Variants in EXOC4 observed in about 807,000 individuals in gnomAD.
EXOC4 encodes exocyst complex component 4.
A neutral mutation model predicts 107.2 loss-of-function variants in EXOC4; 71 were observed. The ratio of observed to expected loss-of-function variants is 0.66; its 90% CI spans 0.55 to 0.81. The LOEUF (loss-of-function observed/expected upper bound fraction) is 0.81, where lower values mean the gene tolerates loss of function less well. Ranked by LOEUF, EXOC4 falls within the 30% of genes least tolerant of loss-of-function variation. The probability of loss-of-function intolerance (pLI) is 0.00; values close to 1 mark genes in which losing one functional copy is unlikely to be tolerated. For synonymous variants in EXOC4, 456 were observed against 441.2 expected (o/e 1.03, Z -0.42); for missense variants, 1,108 against 1,189.6 (o/e 0.93, Z 1.01).
intron 11 of EXOC4, among the ~76,000 whole-genome samples, chr7:133,822,687 G>A (rs1797551917): frequency 6.6e-6 from 1 of 152,150 alleles, no homozygotes; most frequent in South Asian, 2.1e-4. Flanking sequence ...TGTGGCCTGG[G>A]AGCTTATGAG....
intron 14 of EXOC4, among the ~76,000 whole-genome samples, chr7:133,962,697 T>C (rs1800975275): frequency 6.6e-6 from 1 of 152,230 alleles, no homozygotes; most frequent in East Asian, 1.9e-4. Context: ...TGTCACCACA[T>C]GTGCTTATGC....
intron 1 of EXOC4, among the ~76,000 whole-genome samples, chr7:133,272,216 A>C (rs1388517300): frequency 6.6e-6 from 1 of 152,192 alleles, no homozygotes; most frequent in Non-Finnish European, 1.5e-5. Flanking sequence ...TACTAAGGTC[A>C]TGAGTAGTCA....
rs77462350 is a variant in EXOC4 at position 133,949,464 on chromosome 7, T to G, written c.2206+11395T>G. Among the ~76,000 whole-genome samples, 836 of 152,294 alleles carry G rather than the reference T, an allele frequency of 5.5e-3. 8 individuals carry two copies. Among genetic ancestry groups the G allele is most frequent in the African/African-American group, 0.019 (782 of 41,560 alleles). ...CTCTAAGACTGATGAAAAACCTAAGTGTCTTTATAGAAGCCAAGAATATCT... is the reference window on the plus strand; with the variant it reads ...CTCTAAGACTGATGAAAAACCTAAGGGTCTTTATAGAAGCCAAGAATATCT... On this transcript the variant is annotated intron_variant, in intron 14 of 17. Transcript: ENST00000253861.
At chr7:133,794,111 T>A (rs1019315549) in intron 10 of EXOC4, among the ~76,000 whole-genome samples, 17 of 152,216 alleles carry the variant, frequency 1.1e-4, no homozygotes, top group African/African-American at 3.4e-4. Flanking sequence ...CTTCTCCTCA[T>A]ATGTCTAGTT....
At chr7:133,629,838 C>T (rs1802546772) in intron 9 of EXOC4, among the ~76,000 whole-genome samples, 1 of 151,998 alleles carries the variant, frequency 6.6e-6, no homozygotes, top group Admixed American at 6.6e-5. Flanking sequence ...CCACCGTGCC[C>T]GGCTAGAGTG....
chr7:134,009,280 A>G (rs558671753), intron 17 of EXOC4, among the ~76,000 whole-genome samples: 1 of 152,314 alleles, frequency 6.6e-6, no homozygotes, highest in South Asian at 2.1e-4. Flanking sequence ...GAAGTGCAGG[A>G]AAATTTGAAA....
intron 14 of EXOC4, among the ~76,000 whole-genome samples, chr7:133,988,728 A>G (rs1343824592): frequency 2.6e-5 from 4 of 152,074 alleles, no homozygotes; most frequent in Admixed American, 2.6e-4. Flanking sequence ...ATGAGACAGC[A>G]TGATATGTTT....
intron 2 of EXOC4, among the ~76,000 whole-genome samples, chr7:133,280,464 A>G (rs1296491120): frequency 6.6e-6 from 1 of 152,132 alleles, no homozygotes; most frequent in Non-Finnish European, 1.5e-5. Context: ...GAATGAGATG[A>G]CCTCAGATTT....
At chr7:133,976,674 C>A (rs1793840372) in intron 14 of EXOC4, among the ~76,000 whole-genome samples, 1 of 152,168 alleles carries the variant, frequency 6.6e-6, no homozygotes, top group Non-Finnish European at 1.5e-5. Flanking sequence ...CAGGCCTTAC[C>A]ATGGAAGAAA....
At chr7:133,558,268 C>CT (rs1800741826) in intron 9 of EXOC4, among the ~76,000 whole-genome samples, 1 of 81,724 alleles carries the variant, frequency 1.2e-5, no homozygotes, top group African/African-American at 5.4e-5. Flanking sequence ...AATAAAAGCA[C>CT]TTTTTGCCCT....
At chr7:133,733,149 ACTT>A (rs1795364055) in intron 10 of EXOC4, 1 of 177,610 alleles carries the variant, frequency 5.6e-6, no homozygotes, top group African/African-American at 2.4e-5. Context: ...TCTTTCCAAT[ACTT>A]CTTATATTGA....
intron 7 of EXOC4, among the ~76,000 whole-genome samples, chr7:133,444,294 T>A (rs2150796948): frequency 6.6e-6 from 1 of 152,306 alleles, no homozygotes; most frequent in South Asian, 2.1e-4. Flanking sequence ...GGCTTGGCGT[T>A]TTCTCCAGGC....
At chr7:134,036,457 G>T (rs529470809) in intron 17 of EXOC4, among the ~76,000 whole-genome samples, 2 of 152,138 alleles carry the variant, frequency 1.3e-5, no homozygotes, top group Non-Finnish European at 1.5e-5. Context: ...GTGTGGTGGT[G>T]CATGCCTGTT....
chr7:133,257,350 G>A (rs1795041471), intron 1 of EXOC4, among the ~76,000 whole-genome samples: 1 of 148,916 alleles, frequency 6.7e-6, no homozygotes, highest in Non-Finnish European at 1.5e-5. Flanking sequence ...GTACAATTTG[G>A]ATGGTTTACA....
intron 11 of EXOC4, among the ~76,000 whole-genome samples, chr7:133,823,868 TATATTA>T (rs1288782971): frequency 0.15 from 3,293 of 21,706 alleles, 247 homozygotes; most frequent in East Asian, 0.17. Flanking sequence ...TATATATATA[TATATTA>T]TATATATATA....
intron 15 of EXOC4, among the ~76,000 whole-genome samples, chr7:133,999,955 T>G (rs955463501): frequency 2.0e-5 from 3 of 152,172 alleles, no homozygotes; most frequent in African/African-American, 4.8e-5. Flanking sequence ...CATATCTTCT[T>G]CAACATTAGT....
intron 5 of EXOC4, among the ~76,000 whole-genome samples, chr7:133,355,545 C>T (rs915767341): frequency 9.2e-5 from 14 of 152,146 alleles, no homozygotes; most frequent in Admixed American, 5.9e-4. Flanking sequence ...TCTCCCCTCT[C>T]TCCAACTTGC....
chr7:133,782,829 GA>G (rs1250366347), intron 10 of EXOC4, among the ~76,000 whole-genome samples: 1 of 152,170 alleles, frequency 6.6e-6, no homozygotes. Context: ...GGCATGTATG[GA>G]AAGACAAAAT....
intron 9 of EXOC4, among the ~76,000 whole-genome samples, chr7:133,504,607 G>A (rs992644753): frequency 3.3e-5 from 5 of 152,138 alleles, no homozygotes; most frequent in Admixed American, 2.6e-4. Context: ...TGTGCAAGAA[G>A]GCTATTTAAA....
Sources: allele counts gnomAD v4.1 joint callset (sites outside exome capture counted in the v4.1 genomes callset), GRCh38; gene constraint gnomAD v4.1.1; transcripts MANE v1.5; gene names NCBI Gene and HGNC (gene_info 2026-07-23, HGNC 2026-07-21).